RNF122: variants seen among roughly 807,000 people sequenced by gnomAD.
RNF122 encodes ring finger protein 122.
Under a neutral mutation model 24.2 loss-of-function variants are expected in RNF122, and 17 were observed. That is an observed-to-expected ratio of 0.70 (90% confidence interval 0.48 to 1.06). The LOEUF (loss-of-function observed/expected upper bound fraction) is 1.06, where lower values mean the gene tolerates loss of function less well. Among genes scored for constraint, RNF122 ranks in the 50% least tolerant of loss-of-function variants. The pLI is 0.00. For missense variants in RNF122, 168 were observed against 198.1 expected, an observed-to-expected ratio of 0.85 and a Z score of 0.91; for synonymous variants, 65 against 71.8, an observed-to-expected ratio of 0.91 and a Z score of 0.48.
chr8:33,563,532 A>G (rs1484830124), intron 1 of RNF122, among the ~76,000 whole-genome samples: 1 of 152,238 alleles, frequency 6.6e-6, no homozygotes, highest in African/African-American at 2.4e-5. Context: ...TCTAGGCTCT[A>G]GTAGGGGTTA....
chr8:33,554,945 G>A (rs986350113), intron 2 of RNF122, among the ~76,000 whole-genome samples: 3 of 152,150 alleles, frequency 2.0e-5, no homozygotes, highest in Admixed American at 6.6e-5. Context: ...GGAGGAAACC[G>A]AGAAGCAGGG....
intron 1 of RNF122, among the ~76,000 whole-genome samples, chr8:33,561,524 C>A (rs1257164047): frequency 6.6e-6 from 1 of 151,904 alleles, no homozygotes; most frequent in Non-Finnish European, 1.5e-5. Context: ...ACGCCTGACA[C>A]ATCCTCCTAG....
intron 2 of RNF122, among the ~76,000 whole-genome samples, chr8:33,558,410 C>G (rs538912858): frequency 6.6e-6 from 1 of 152,252 alleles, no homozygotes; most frequent in Admixed American, 6.5e-5. Flanking sequence ...CTTATATGCT[C>G]AGGAACAACT....
intron 1 of RNF122, among the ~76,000 whole-genome samples, chr8:33,561,211 G>A (rs1015226276): frequency 3.3e-5 from 5 of 152,178 alleles, no homozygotes; most frequent in Admixed American, 3.3e-4. Flanking sequence ...CAGGCCTTGG[G>A]TTCTAGGCAC....
intron 2 of RNF122, among the ~76,000 whole-genome samples, chr8:33,553,449 T>G (rs1273760636): frequency 6.6e-6 from 1 of 152,106 alleles, no homozygotes; most frequent in Non-Finnish European, 1.5e-5. Context: ...ATGTCTGTAG[T>G]CCTGGCTACT....
At chr8:33,555,015 C>A (rs546210797) in intron 2 of RNF122, among the ~76,000 whole-genome samples, 1 of 152,126 alleles carries the variant, frequency 6.6e-6, no homozygotes, top group East Asian at 1.9e-4. Flanking sequence ...TCACAGGCTA[C>A]CATGTACCAG....
chr8:33,557,244 A>G (rs1048521246), intron 2 of RNF122, among the ~76,000 whole-genome samples: 2 of 152,202 alleles, frequency 1.3e-5, no homozygotes, highest in Non-Finnish European at 2.9e-5. Flanking sequence ...ACAATGAGGA[A>G]TTGTCAATGC....
intron 1 of RNF122, among the ~76,000 whole-genome samples, chr8:33,565,376 G>A (rs1292290320): frequency 9.3e-6 from 1 of 107,602 alleles, no homozygotes; most frequent in Non-Finnish European, 2.0e-5. Flanking sequence ...CTACTCTAAA[G>A]AATGATTTTT....
intron 1 of RNF122, among the ~76,000 whole-genome samples, chr8:33,565,480 C>T (rs1810608509): frequency 2.0e-5 from 3 of 151,984 alleles, no homozygotes; most frequent in Admixed American, 2.0e-4. Flanking sequence ...ATCGGAACAA[C>T]GCGGTCAAGA....
intron 2 of RNF122, among the ~76,000 whole-genome samples, chr8:33,553,275 G>C (rs1001060574): frequency 6.6e-6 from 1 of 151,956 alleles, no homozygotes; most frequent in Non-Finnish European, 1.5e-5. Context: ...TAGAGGCTAA[G>C]AGTGGTTTTT....
At chr8:33,553,267 G>C (rs1450016457) in intron 2 of RNF122, among the ~76,000 whole-genome samples, 1 of 152,056 alleles carries the variant, frequency 6.6e-6, no homozygotes, top group African/African-American at 2.4e-5. Flanking sequence ...GCAGGGTCTA[G>C]AGGCTAAGAG....
chr8:33,555,196 GTTTT>G (rs546004855), intron 2 of RNF122, among the ~76,000 whole-genome samples: 2 of 150,876 alleles, frequency 1.3e-5, no homozygotes, highest in Admixed American at 6.6e-5. Flanking sequence ...GTTTTTTTGG[GTTTT>G]TTTTTGTTTG....
Position 33,548,758 on chromosome 8 carries a change from C to T in RNF122, c.463G>A (p.Val155Met). The T allele has an allele frequency of 6.2e-7, 1 of 1,608,160 alleles. No individual in the cohort carries two copies. Among genetic ancestry groups the T allele is most frequent in the Non-Finnish European group, 8.5e-7 (1 of 1,174,742 alleles). ...QNIGILLDEL[V>M] The stretch of plus-strand genomic sequence containing the variant: ...TCTCGGTGTAGCGGCAGCACTCACA[C>T]CAGCTCATCCAATAGAATCCCAATG... Residue 155 changes from valine to methionine, a missense_variant, in exon 6 of 6, where the codon GTG becomes ATG. Coordinates refer to ENST00000256257, the MANE Select transcript of RNF122 (RefSeq NM_024787.3).
chr8:33,554,215 T>G (rs1029023236), intron 2 of RNF122, among the ~76,000 whole-genome samples: 1 of 152,188 alleles, frequency 6.6e-6, no homozygotes, highest in Non-Finnish European at 1.5e-5. Context: ...AGAAAGACAC[T>G]GTTGCTCTGT....
intron 4 of RNF122, 112 bp from the exon 5 acceptor site, chr8:33,549,604 T>C (rs962933820): frequency 6.8e-6 from 5 of 737,428 alleles, no homozygotes; most frequent in Admixed American, 2.3e-5. Context: ...GCAGAGAAAC[T>C]TTTTAGCCAT....
At chr8:33,560,357 C>A (rs891656798) in intron 1 of RNF122, among the ~76,000 whole-genome samples, 1 of 152,058 alleles carries the variant, frequency 6.6e-6, no homozygotes, top group Non-Finnish European at 1.5e-5. Context: ...ACAAAGAGAT[C>A]TGCTGGAAAA....
intron 2 of RNF122, 72 bp downstream of exon 2, chr8:33,558,543 C>T (rs1443322622): frequency 7.4e-7 from 1 of 1,346,208 alleles, no homozygotes; most frequent in East Asian, 2.4e-5. Flanking sequence ...GACCCTCGCT[C>T]AGCTTACCCC....
intron 1 of RNF122, among the ~76,000 whole-genome samples, chr8:33,565,704 G>A (rs1223849863): frequency 6.6e-6 from 1 of 152,206 alleles, no homozygotes; most frequent in African/African-American, 2.4e-5. Context: ...GGGGCGAGGG[G>A]TTGTCGCGTC....
chr8:33,561,448 A>G (rs769510246), intron 1 of RNF122, among the ~76,000 whole-genome samples: 8 of 151,808 alleles, frequency 5.3e-5, no homozygotes, highest in Non-Finnish European at 1.2e-4. Flanking sequence ...GTAAACACTC[A>G]TCACCTCCTA....
Sources: gnomAD v4.1 joint callset for allele counts (sites outside exome capture counted in the v4.1 genomes callset) on GRCh38, gnomAD v4.1.1 for gene constraint, MANE v1.5 for transcripts, NCBI Gene and HGNC (gene_info 2026-07-23, HGNC 2026-07-21) for gene names.